Variants in ZNF705B observed in about 807,000 individuals in gnomAD.
The protein encoded by ZNF705B is Putative zinc finger protein 705D-like protein LOC100132396.
A neutral mutation model predicts 10.5 loss-of-function variants in ZNF705B; 1 was observed. The ratio of observed to expected loss-of-function variants is 0.10; its 90% confidence interval spans 0.03 to 0.45. The LOEUF (loss-of-function observed/expected upper bound fraction) is 0.45, where lower values mean the gene tolerates loss of function less well. Among genes scored for constraint, ZNF705B ranks in the 20% least tolerant of loss-of-function variants. The pLI is 0.97. For missense variants in ZNF705B, 14 were observed against 84.0 expected, an observed-to-expected ratio of 0.17 and a Z score of 3.26; for synonymous variants, 4 against 25.4, an observed-to-expected ratio of 0.16 and a Z score of 2.53.
intron 1 of ZNF705B, among the ~76,000 whole-genome samples, chr8:7,927,117 G>A (rs1296977128): frequency 8.5e-6 from 1 of 118,090 alleles, no homozygotes; most frequent in African/African-American, 2.5e-5. Context: ...ATTAAATTAT[G>A]TAAACTTAAG....
At chr8:7,937,739 G>A (rs1367257753) in intron 2 of ZNF705B, among the ~76,000 whole-genome samples, 7 of 92,982 alleles carry the variant, frequency 7.5e-5, no homozygotes, top group Middle Eastern at 5.2e-3. Flanking sequence ...ATTGGATATG[G>A]TATCACCTTT....
chr8:7,932,949 T>C (rs1170859279), intron 2 of ZNF705B, among the ~76,000 whole-genome samples: 11 of 110,546 alleles, frequency 1.0e-4, no homozygotes, highest in African/African-American at 2.9e-4. Flanking sequence ...TCAGTGGCTG[T>C]TGTAGGCAGA....
chr8:7,934,555 TCTC>T (rs1819956589), intron 2 of ZNF705B: 1 of 756,790 alleles, frequency 1.3e-6, no homozygotes, highest in African/African-American at 1.9e-5. Context: ...CGTTCACAGA[TCTC>T]CTTGAATTTG....
At chr8:7,927,941 A>G (rs1393997522) in intron 1 of ZNF705B, among the ~76,000 whole-genome samples, 1 of 138,876 alleles carries the variant, frequency 7.2e-6, no homozygotes, top group Non-Finnish European at 1.6e-5. Flanking sequence ...TGCATCCCTG[A>G]GTTTCCTCCC....
In ZNF705B at chr8:7,944,708, C is replaced by T. The variant is rs368775003; in HGVS notation, c.-71-2643C>T. Among the ~76,000 whole-genome samples, 145 of 88,734 alleles carry T rather than the reference C, an allele frequency of 1.6e-3. 11 individuals are homozygous for T. Among genetic ancestry groups the T allele is most frequent in the African/African-American group, 5.0e-3 (138 of 27,796 alleles). The allele number at this position is 88,734 out of a possible 152,430, so 58.2% of individuals were successfully genotyped here. On this transcript the variant is annotated intron_variant, in intron 2 of 6. Coordinates refer to ENST00000400120, the MANE Select transcript of ZNF705B (RefSeq NM_001193630.1). Reference sequence around the variant, plus strand: ...GATCTGGGCCGGGCACGGTGGCTTACGCCTGTAATCCCAACACTTTGAGAG... The same window carrying T: ...GATCTGGGCCGGGCACGGTGGCTTATGCCTGTAATCCCAACACTTTGAGAG...
At chr8:7,928,234 C>A (rs559834834) in intron 1 of ZNF705B, among the ~76,000 whole-genome samples, 11 of 114,928 alleles carry the variant, frequency 9.6e-5, no homozygotes, top group Admixed American at 2.1e-4. Flanking sequence ...TTAATCACCT[C>A]CTCAAAGCCC....
chr8:7,936,856 A>C (rs1222650732), intron 2 of ZNF705B, among the ~76,000 whole-genome samples: 15 of 119,562 alleles, frequency 1.3e-4, no homozygotes, highest in African/African-American at 3.9e-4. Flanking sequence ...GCACTCCCTG[A>C]ATCTAAAATA....
chr8:7,931,394 T>G lies in ZNF705B; in HGVS notation c.-72+958T>G, dbSNP rs1156282667. Among the ~76,000 whole-genome samples, 6 of 121,724 alleles carry G rather than the reference T, an allele frequency of 4.9e-5. 1 individual carries two copies. Among genetic ancestry groups the G allele is most frequent in the African/African-American group, 1.5e-4 (6 of 39,914 alleles). 79.9% of individuals were successfully genotyped at this position (121,724 alleles called of 152,430 possible). A position where few individuals can be genotyped will look rare whatever the true frequency, so the allele number is the denominator to read the frequency against. On this transcript the variant is annotated intron_variant, in intron 2 of 6. Transcript: ENST00000400120. ...ATGGCAGGATGGGAAGTCCTATCCT[T>G]AGGCTCTCAGGAGACACACAGGTAC... is the stretch of plus-strand genomic sequence containing the variant.
At position 7,941,421 on chromosome 8, in the gene ZNF705B, C is replaced by T. The variant is rs1334676833; in HGVS notation, c.-71-5930C>T. ...AAATGGACATAGTAATTTGTATTTC[C>T]ACCGCAAGTATACAAGGGTTATCTT... On this transcript the variant is annotated intron_variant, in intron 2 of 6. Transcript: ENST00000400120. Among the ~76,000 whole-genome samples the T allele has an allele frequency of 5.3e-5, 5 of 93,970 alleles. 1 individual carries two copies. The highest frequency in any genetic ancestry group is 1.2e-4 in the Non-Finnish European group (5 of 40,050). The allele number at this position is 93,970 out of a possible 152,430, so 61.6% of individuals were successfully genotyped here. A position where few individuals can be genotyped will look rare whatever the true frequency, so the allele number is the denominator to read the frequency against.
intron 1 of ZNF705B, among the ~76,000 whole-genome samples, chr8:7,927,684 T>A (rs1180683771): frequency 2.1e-5 from 3 of 140,042 alleles, no homozygotes; most frequent in African/African-American, 7.4e-5. Flanking sequence ...GTTGAATTAT[T>A]TGCACAAGAT....
intron 1 of ZNF705B, among the ~76,000 whole-genome samples, chr8:7,928,302 G>A (rs1318088193): frequency 8.3e-6 from 1 of 120,516 alleles, no homozygotes; most frequent in African/African-American, 2.5e-5. Context: ...TGAATGGGGA[G>A]ACAGAAATAT....
chr8:7,934,692 CTGTGTGTG>C (rs772466497), intron 2 of ZNF705B: 5 of 78,970 alleles, frequency 6.3e-5, no homozygotes, highest in African/African-American at 1.8e-4. Flanking sequence ...GTGTGTGTGT[CTGTGTGTG>C]TGTGTGTGTG....
intron 1 of ZNF705B, among the ~76,000 whole-genome samples, chr8:7,928,748 G>GAAAAA (rs1287260532): frequency 1.6e-4 from 1 of 6,432 alleles, no homozygotes; most frequent in African/African-American, 2.4e-4. Flanking sequence ...TAACCAGGTA[G>GAAAAA]CAAAAAAAAA....
rs1431500070 is a variant in ZNF705B, at chr8:7,928,373, C to A, written c.-221-1914C>A. Among the ~76,000 whole-genome samples the A allele has an allele frequency of 1.7e-5, 2 of 120,928 alleles. 1 individual carries two copies. The highest frequency in any genetic ancestry group is 5.6e-4 in the South Asian group (2 of 3,592). 79.3% of individuals were successfully genotyped at this position (120,928 alleles called of 152,430 possible). Reference sequence around the variant, plus strand: ...TCCTCCCTCCGTCAATTTATTCATTCATGTATTGATTCTTTCATTCAAGTG... The same window carrying A: ...TCCTCCCTCCGTCAATTTATTCATTAATGTATTGATTCTTTCATTCAAGTG... On this transcript the variant is annotated intron_variant, in intron 1 of 6. Coordinates refer to ENST00000400120, the MANE Select transcript of ZNF705B (RefSeq NM_001193630.1).
rs1395904178 is a variant in ZNF705B, at chr8:7,933,081, C to G, written c.-72+2645C>G. ...CTGTGAAATTAAGGCTGTTAATCAG[C>G]TGACCTTAAAATAGGGAGATTATCT... On this transcript the variant is annotated intron_variant, in intron 2 of 6. Transcript: ENST00000400120. 3.4e-5 allele frequency among the ~76,000 whole-genome samples: 4 copies of G among 119,232 alleles called. 1 individual carries two copies. The East Asian group carries it at 9.6e-4, about 29-fold the overall frequency. The allele number at this position is 119,232 out of a possible 152,430, so 78.2% of individuals were successfully genotyped here. A position where few individuals can be genotyped will look rare whatever the true frequency, so the allele number is the denominator to read the frequency against.
intron 2 of ZNF705B, among the ~76,000 whole-genome samples, chr8:7,935,306 T>G (rs557934803): frequency 6.9e-6 from 1 of 145,842 alleles, no homozygotes; most frequent in East Asian, 2.0e-4. Context: ...CAAGGTCTTC[T>G]TAAAGGCTCA....
chr8:7,940,182 G>GA (rs1820107270), intron 2 of ZNF705B, among the ~76,000 whole-genome samples: 1 of 139,324 alleles, frequency 7.2e-6, no homozygotes, highest in Non-Finnish European at 1.6e-5. Context: ...GCAGCAGGTA[G>GA]GAAAAAAGCC....
intron 1 of ZNF705B, among the ~76,000 whole-genome samples, chr8:7,928,529 A>C (rs1387061572): frequency 8.4e-6 from 1 of 119,240 alleles, no homozygotes; most frequent in African/African-American, 2.5e-5. Context: ...GAGATGTAGA[A>C]ACAATATAAA....
intron 2 of ZNF705B, among the ~76,000 whole-genome samples, chr8:7,937,006 C>G (rs1292545635): frequency 8.4e-6 from 1 of 119,672 alleles, no homozygotes; most frequent in African/African-American, 2.6e-5. Context: ...GCTTGTAAAC[C>G]TTGTGTATTG....
Sources: gnomAD v4.1 joint callset for allele counts (sites outside exome capture counted in the v4.1 genomes callset) on GRCh38, gnomAD v4.1.1 for gene constraint, MANE v1.5 for transcripts, NCBI Gene and HGNC (gene_info 2026-07-23, HGNC 2026-07-21) for gene names.